Variants in ATP1A4 observed in about 807,000 individuals in gnomAD.
The protein encoded by ATP1A4 is sodium/potassium-transporting ATPase subunit alpha-4.
A neutral mutation model predicts 114.3 loss-of-function variants in ATP1A4; 90 were observed. That is an observed-to-expected ratio of 0.79 (90% CI 0.66 to 0.94). The LOEUF (loss-of-function observed/expected upper bound fraction) is 0.94, where lower values mean the gene tolerates loss of function less well. Ranked by LOEUF, ATP1A4 falls within the 40% of genes least tolerant of loss-of-function variation. The pLI is 0.00. For missense variants in ATP1A4, 1,222 were observed against 1,313.6 expected (o/e 0.93, Z 1.08); for synonymous variants, 511 against 494.1 (o/e 1.03, Z -0.45).
rs776955295 is a variant in ATP1A4, at chr1:160,171,375, A to C, written c.1616A>C (p.Asp539Ala). The change falls in exon 11 of 22, where the codon GAT (aspartate) becomes GCT (alanine). Residue 539 changes from aspartate to alanine, a missense_variant. Transcript: ENST00000368081. ...LLNGQEYSMN[D>A]EMKEAFQNAY... ...AATGGGCAGGAGTACTCAATGAACGATGAAATGAAGGAAGCCTTCCAAAAT... is the reference window on the plus strand; with the variant it reads ...AATGGGCAGGAGTACTCAATGAACGCTGAAATGAAGGAAGCCTTCCAAAAT... The C allele has an allele frequency of 1.2e-6, 2 of 1,614,186 alleles. No homozygotes were observed. Among genetic ancestry groups the C allele is most frequent in the Non-Finnish European group, 1.7e-6 (2 of 1,180,042 alleles).
At position 160,182,088 on chromosome 1, in the gene ATP1A4, G is replaced by A. The variant is rs188512152; in HGVS notation, c.2969+57G>A. 1,182 of 1,409,156 alleles carry A rather than the reference G, an allele frequency of 8.4e-4. 8 individuals are homozygous for A. The African/African-American group carries it at 0.014, about 17-fold the overall frequency. The allele number at this position is 1,409,156 out of a possible 1,614,324, so 87.3% of individuals were successfully genotyped here. ...GTGCAGGCACGGGGGAGCATACAGAGGAAGGGTGTGTTTCACTAGGATTGT... is the reference window on the plus strand; with the variant it reads ...GTGCAGGCACGGGGGAGCATACAGAAGAAGGGTGTGTTTCACTAGGATTGT... On this transcript the variant is annotated intron_variant, in intron 20 of 21. Coordinates refer to ENST00000368081, the MANE Select transcript of ATP1A4 (RefSeq NM_144699.4).
chr1:160,167,322 C>T lies in ATP1A4; in HGVS notation c.1401C>T (p.Phe467=). The stretch of plus-strand genomic sequence containing the variant: ...CTTCCGAGTCAGCCCTCCTCAAGTT[C>T]ATCGAGCAGTCTTACAGCTCTGTGG... ...GDASESALLK[F]IEQSYSSVAE... Residue 467 remains phenylalanine (F), a synonymous_variant, in exon 10 of 22, where the codon TTC becomes TTT. Transcript: ENST00000368081. 1 of 1,610,376 alleles carries T rather than the reference C, an allele frequency of 6.2e-7. No homozygotes were observed. The highest frequency in any genetic ancestry group is 8.5e-7 in the Non-Finnish European group (1 of 1,179,112).
Position 160,177,597 on chromosome 1 carries a change from T to G in ATP1A4, c.2669T>G (p.Leu890Arg). ...AENGFRPVDLLGIRLHWEDKY... is the reference protein window; with the variant it reads ...AENGFRPVDLRGIRLHWEDKY... Reference sequence around the variant, plus strand: ...AATGGTTTTAGGCCTGTTGATCTGCTGGGCATCCGCCTCCACTGGGAAGAT... The same window carrying G: ...AATGGTTTTAGGCCTGTTGATCTGCGGGGCATCCGCCTCCACTGGGAAGAT... The change falls in exon 18 of 22, where the codon CTG (leucine) becomes CGG (arginine). Residue 890 changes from leucine (L) to arginine (R), a missense_variant. Physicochemically the swap from Leu to Arg is moderately radical, Grantham distance 102. Coordinates refer to ENST00000368081, the MANE Select transcript of ATP1A4 (RefSeq NM_144699.4). 6.2e-7 allele frequency: 1 copy of G among 1,614,212 alleles called. No homozygotes were observed. Among genetic ancestry groups the G allele is most frequent in the Non-Finnish European group, 8.5e-7 (1 of 1,180,040 alleles).
Position 160,167,345 on chromosome 1 carries a change from T to C in ATP1A4, c.1424T>C (p.Val475Ala). 5 of 1,611,556 alleles carry C rather than the reference T, an allele frequency of 3.1e-6. No homozygotes were observed. Among genetic ancestry groups the C allele is most frequent in the Admixed American group, 1.7e-5 (1 of 58,748 alleles). ...TTCATCGAGCAGTCTTACAGCTCTG[T>C]GGCGGAGATGAGAGAGAAAAACCCC... ...LKFIEQSYSS[V>A]AEMREKNPKV... The change falls in exon 10 of 22, where the codon GTG (valine) becomes GCG (alanine). Residue 475 changes from valine (V) to alanine (A), a missense_variant. By Grantham distance (64) the Val-to-Ala change is moderately conservative (BLOSUM62 0). Transcript: ENST00000368081.
Position 160,156,945 on chromosome 1 carries a change from T to G in ATP1A4, c.525+787T>G, listed in dbSNP as rs183617460. Among the ~76,000 whole-genome samples, 5 of 152,194 alleles carry G rather than the reference T, an allele frequency of 3.3e-5. No individual in the cohort carries two copies. The East Asian group carries it at 9.7e-4, about 29-fold the overall frequency. Reference sequence around the variant, plus strand: ...CTGAGTAGTATAGTGAGACCTTATCTCTACAAAAAAATTTAAAAATTAGCT... The same window carrying G: ...CTGAGTAGTATAGTGAGACCTTATCGCTACAAAAAAATTTAAAAATTAGCT... On this transcript the variant is annotated intron_variant, in intron 4 of 21. Coordinates refer to ENST00000368081, the MANE Select transcript of ATP1A4 (RefSeq NM_144699.4).
chr1:160,165,641 T>C lies in ATP1A4; in HGVS notation c.1048-887T>C, dbSNP rs558314513. Among the ~76,000 whole-genome samples, 4 of 152,080 alleles carry C rather than the reference T, an allele frequency of 2.6e-5. 1 individual carries two copies. In the South Asian group the frequency reaches 8.3e-4, roughly 32 times the overall value. On this transcript the variant is annotated intron_variant, in intron 7 of 21. Coordinates refer to ENST00000368081, the MANE Select transcript of ATP1A4 (RefSeq NM_144699.4). ...AGACAGGCATGGTGGCTGGCGCCTG[T>C]AGTCCCAGCTACTTGGGAAGATGAG... is the stretch of plus-strand genomic sequence containing the variant.
chr1:160,181,854 C>A (rs1298749977), intron 19 of ATP1A4, 40 bp downstream of exon 19: 9 of 1,613,964 alleles, frequency 5.6e-6, no homozygotes, highest in Non-Finnish European at 7.6e-6. Flanking sequence ...CTCCCAAGCC[C>A]CACACACCAG....
rs148126609 is a variant in ATP1A4, at chr1:160,166,657, C to T, written c.1177C>T (p.Arg393Cys). The T allele has an allele frequency of 2.6e-4, 423 of 1,614,202 alleles. 1 individual carries two copies. The African/African-American group carries it at 4.5e-3, about 17-fold the overall frequency. The part of the protein sequence containing the change: ...SDKTGTLTQN[R>C]MTVAHMWFDM... ...CAAGACGGGCACCCTCACCCAGAAC[C>T]GCATGACCGTCGCCCACATGTGGTT... Residue 393 changes from arginine to cysteine, a missense_variant, in exon 8 of 22, where the codon CGC (arginine) becomes TGC (cysteine). Physicochemically the swap from Arg to Cys is radical, Grantham distance 180. Coordinates refer to ENST00000368081, the MANE Select transcript of ATP1A4 (RefSeq NM_144699.4).
intron 3 of ATP1A4, among the ~76,000 whole-genome samples, 179 bp from the exon 4 acceptor site, chr1:160,155,866 T>C (rs1652633926): frequency 1.3e-5 from 2 of 152,068 alleles, no homozygotes; most frequent in Non-Finnish European, 2.9e-5. Context: ...CAGGGTTCCT[T>C]CCCCAGGAAG....
At chr1:160,165,542 G>A (rs954810714) in intron 7 of ATP1A4, among the ~76,000 whole-genome samples, 4 of 151,126 alleles carry the variant, frequency 2.6e-5, no homozygotes, top group South Asian at 4.2e-4. Flanking sequence ...GGCGGATCAC[G>A]AGGTCAGGAG....
chr1:160,178,600 A>T (rs1455096470), intron 18 of ATP1A4, among the ~76,000 whole-genome samples: 1 of 151,998 alleles, frequency 6.6e-6, no homozygotes, highest in Non-Finnish European at 1.5e-5. Context: ...ACTTGATCCC[A>T]GGAGGCGGAG....
At chr1:160,177,455 G>A in intron 17 of ATP1A4, 64 bp from the exon 18 acceptor site, 1 of 1,583,536 alleles carries the variant, frequency 6.3e-7, no homozygotes, top group South Asian at 1.1e-5. Context: ...GCCCTCCCCT[G>A]GCCTACCTTT....
In ATP1A4 at chr1:160,166,449, A is replaced by G. The variant is rs1653037940; in HGVS notation, c.1048-79A>G. ...ACAAAAAATCAAAATAGCATTAAAA[A>G]TGATCAAATATCCACAATGCAAAAT... is the stretch of plus-strand genomic sequence containing the variant. On this transcript the variant is annotated intron_variant, in intron 7 of 21. Coordinates refer to ENST00000368081, the MANE Select transcript of ATP1A4 (RefSeq NM_144699.4). The G allele has an allele frequency of 9.1e-6, 14 of 1,533,494 alleles. No homozygotes were observed. In the South Asian group the frequency reaches 1.3e-4, roughly 15 times the overall value. 95.0% of individuals were successfully genotyped at this position (1,533,494 alleles called of 1,614,324 possible).
chr1:160,167,903 G>A (rs1012009369), intron 10 of ATP1A4, among the ~76,000 whole-genome samples: 6 of 152,346 alleles, frequency 3.9e-5, no homozygotes, highest in African/African-American at 1.4e-4. Context: ...AGGAGTCTCT[G>A]CCTCCATTGG....
Position 160,153,160 on chromosome 1 carries a change from C to T in ATP1A4, c.148-5C>T, listed in dbSNP as rs1209583557. 6.2e-7 allele frequency: 1 copy of T among 1,613,866 alleles called. No homozygotes were observed. ...TGTCCCTCAATGCCTCTACTGTCCC[C>T]TCAGGATGATCACAAATTAACCTTG... is the stretch of plus-strand genomic sequence containing the variant. On this transcript the variant is annotated splice_polypyrimidine_tract_variant and splice_region_variant and intron_variant, in intron 1 of 21. Transcript: ENST00000368081.
chr1:160,158,453 T>C (rs1352680747), intron 4 of ATP1A4, among the ~76,000 whole-genome samples: 2 of 152,146 alleles, frequency 1.3e-5, no homozygotes, highest in African/African-American at 2.4e-5. Flanking sequence ...CACGGCTCAC[T>C]GCAGCCTTAA....
At chr1:160,178,068 A>C (rs1653546107) in intron 18 of ATP1A4, among the ~76,000 whole-genome samples, 1 of 151,614 alleles carries the variant, frequency 6.6e-6, no homozygotes, top group Admixed American at 6.6e-5. Context: ...TATGATTTAA[A>C]ATTTGAGGCA....
At chr1:160,180,753 C>T (rs1033426822) in intron 18 of ATP1A4, among the ~76,000 whole-genome samples, 3 of 129,930 alleles carry the variant, frequency 2.3e-5, no homozygotes, top group African/African-American at 3.2e-5. Context: ...CTCGCTCTGT[C>T]GCCCAGGCTG....
intron 7 of ATP1A4, among the ~76,000 whole-genome samples, chr1:160,165,959 T>C (rs1429897212): frequency 6.6e-6 from 1 of 151,814 alleles, no homozygotes; most frequent in African/African-American, 2.4e-5. Flanking sequence ...CTGTCTATGA[T>C]ACCCTGGTAA....
Sources: allele counts gnomAD v4.1 joint callset (sites outside exome capture counted in the v4.1 genomes callset), GRCh38; gene constraint gnomAD v4.1.1; transcripts MANE v1.5; gene names NCBI Gene and HGNC (gene_info 2026-07-23, HGNC 2026-07-21).